Variants in CAMTA1 observed in about 807,000 individuals in gnomAD.
The protein encoded by CAMTA1 is calmodulin-binding transcription activator 1.
A neutral mutation model predicts 170.9 loss-of-function variants in CAMTA1; 27 were observed. That is an observed-to-expected ratio of 0.16 (90% confidence interval 0.12 to 0.22). The LOEUF is 0.22. Ranked by LOEUF, CAMTA1 falls within the 10% of genes least tolerant of loss-of-function variation. The probability of loss-of-function intolerance (pLI) is 1.00; values close to 1 mark genes in which losing one functional copy is unlikely to be tolerated. For synonymous variants in CAMTA1, 833 were observed against 891.5 expected, an observed-to-expected ratio of 0.93 and a Z score of 1.17; for missense variants, 1,619 against 2,217.2, an observed-to-expected ratio of 0.73 and a Z score of 5.42.
At chr1:7,735,496 C>T (rs1465073079) in intron 12 of CAMTA1, among the ~76,000 whole-genome samples, 1 of 151,634 alleles carries the variant, frequency 6.6e-6, no homozygotes, top group African/African-American at 2.4e-5. Flanking sequence ...GAAAGAGCCG[C>T]TATACCCGCC....
intron 3 of CAMTA1, among the ~76,000 whole-genome samples, chr1:6,986,191 A>G (rs1695330998): frequency 6.6e-6 from 1 of 152,212 alleles, no homozygotes; most frequent in South Asian, 2.1e-4. Context: ...GTCTGCTGCC[A>G]TGTCTCTCAC....
intron 3 of CAMTA1, among the ~76,000 whole-genome samples, chr1:7,035,959 AAAAC>A (rs1304671679): frequency 6.6e-6 from 1 of 152,244 alleles, no homozygotes; most frequent in Non-Finnish European, 1.5e-5. Flanking sequence ...AGTGGGGAAA[AAAAC>A]AAGTTGCAAA....
chr1:7,501,397 T>C (rs1360704728), intron 6 of CAMTA1, among the ~76,000 whole-genome samples: 1 of 152,020 alleles, frequency 6.6e-6, no homozygotes, highest in Non-Finnish European at 1.5e-5. Flanking sequence ...CTGCTTCAGG[T>C]TTCTGTGCTC....
intron 4 of CAMTA1, among the ~76,000 whole-genome samples, chr1:7,131,727 G>A (rs994600183): frequency 2.0e-5 from 3 of 151,802 alleles, no homozygotes; most frequent in African/African-American, 7.3e-5. Context: ...TATTAATATA[G>A]CTTTACAACA....
At chr1:7,272,999 A>G (rs1670074131) in intron 5 of CAMTA1, among the ~76,000 whole-genome samples, 1 of 152,190 alleles carries the variant, frequency 6.6e-6, no homozygotes, top group African/African-American at 2.4e-5. Context: ...ACACACGAAA[A>G]TATATTTAAC....
At chr1:7,457,110 C>T (rs1402067372) in intron 5 of CAMTA1, among the ~76,000 whole-genome samples, 1 of 142,778 alleles carries the variant, frequency 7.0e-6, no homozygotes, top group East Asian at 2.1e-4. Flanking sequence ...CCACCCCTGG[C>T]CTTCTCTGAC....
rs910793352 is a variant in CAMTA1, at chr1:7,064,952, G to T, written c.235-26352G>T. Among the ~76,000 whole-genome samples the T allele has an allele frequency of 3.9e-5, 6 of 152,182 alleles. No homozygotes were observed. In the East Asian group the frequency reaches 1.2e-3, roughly 29 times the overall value. Reference sequence around the variant, plus strand: ...AGCTTGGGGATGTCCCTCAGAGTTAGAACCAACAGAGTTTGTAGGTTTTCA... The same window carrying T: ...AGCTTGGGGATGTCCCTCAGAGTTATAACCAACAGAGTTTGTAGGTTTTCA... On this transcript the variant is annotated intron_variant, in intron 3 of 22. Coordinates refer to ENST00000303635, the MANE Select transcript of CAMTA1 (RefSeq NM_015215.4). This position sits in a 1 kb window ranked among gnomAD's most constrained non-coding sequence, Gnocchi z 5.4.
chr1:6,822,767 G>A (rs1341216108), intron 2 of CAMTA1, among the ~76,000 whole-genome samples: 2 of 151,428 alleles, frequency 1.3e-5, no homozygotes, highest in Non-Finnish European at 2.9e-5. Context: ...TTGTGCTGTT[G>A]AGAAGAGTAC....
chr1:7,211,708 G>T (rs1278396853), intron 4 of CAMTA1, among the ~76,000 whole-genome samples: 1 of 152,180 alleles, frequency 6.6e-6, no homozygotes, highest in East Asian at 1.9e-4. Flanking sequence ...GCTCCTTTCA[G>T]CAGAGAATGG....
At chr1:7,752,738 C>A (rs1280333538) in intron 21 of CAMTA1, among the ~76,000 whole-genome samples, 1 of 152,192 alleles carries the variant, frequency 6.6e-6, no homozygotes, top group East Asian at 1.9e-4. Context: ...TCAGACGATG[C>A]TGTTTGAACA....
chr1:6,818,761 C>T (rs1646132879), intron 1 of CAMTA1, among the ~76,000 whole-genome samples: 1 of 152,094 alleles, frequency 6.6e-6, no homozygotes, highest in South Asian at 2.1e-4. Flanking sequence ...ACCTCAGTCC[C>T]CCCAGGTATC....
At chr1:7,513,633 C>T (rs947800169) in intron 6 of CAMTA1, among the ~76,000 whole-genome samples, 2 of 152,080 alleles carry the variant, frequency 1.3e-5, no homozygotes, top group East Asian at 1.9e-4. Flanking sequence ...ACCAAAACAC[C>T]GGTTACAGGC....
In CAMTA1 at chr1:7,032,442, C is replaced by T. The variant is rs1460588165; in HGVS notation, c.235-58862C>T. Among the ~76,000 whole-genome samples the T allele has an allele frequency of 2.6e-5, 4 of 152,314 alleles. No homozygotes were observed. In the East Asian group the frequency reaches 7.7e-4, roughly 29 times the overall value. Reference sequence around the variant, plus strand: ...ACTTTCAGGTGATGTTATACCACTTCATGTATAGTATAAGAACCTTATTAT... The same window carrying T: ...ACTTTCAGGTGATGTTATACCACTTTATGTATAGTATAAGAACCTTATTAT... On this transcript the variant is annotated intron_variant, in intron 3 of 22. Coordinates refer to ENST00000303635, the MANE Select transcript of CAMTA1 (RefSeq NM_015215.4).
rs1373890629 is a variant in CAMTA1, at chr1:6,887,933, A to C, written c.234+62723A>C. On this transcript the variant is annotated intron_variant, in intron 3 of 22. Coordinates refer to ENST00000303635, the MANE Select transcript of CAMTA1 (RefSeq NM_015215.4). The surrounding 1 kb of genome is among the most constrained non-coding windows in gnomAD (Gnocchi z 4.1). ...TATTACGAAGGAGCTCCGCAGCCTG[A>C]CTGAGCTCTGGAGAGCAGGGCTCTG... 5 of 1,323,030 alleles carry C rather than the reference A, an allele frequency of 3.8e-6. No individual in the cohort carries two copies. The highest frequency in any genetic ancestry group is 1.5e-5 in the African/African-American group (1 of 66,908). The allele number at this position is 1,323,030 out of a possible 1,614,324, so 82.0% of individuals were successfully genotyped here.
rs953257950 is a variant in CAMTA1, at chr1:7,041,965, A to T, written c.235-49339A>T. Among the ~76,000 whole-genome samples, 1 of 152,204 alleles carries T rather than the reference A, an allele frequency of 6.6e-6. No homozygotes were observed. Among genetic ancestry groups the T allele is most frequent in the Non-Finnish European group, 1.5e-5 (1 of 68,040 alleles). ...TCTGGAAGCTTCTAGAAGCTCCTAGAATGGGTTGAGGTTGTTGGATGCTTG... is the reference window on the plus strand; with the variant it reads ...TCTGGAAGCTTCTAGAAGCTCCTAGTATGGGTTGAGGTTGTTGGATGCTTG... On this transcript the variant is annotated intron_variant, in intron 3 of 22. Transcript: ENST00000303635. The surrounding 1 kb of genome is among the most constrained non-coding windows in gnomAD (Gnocchi z 5.1).
At chr1:7,764,626 G>T (rs1013265400) in intron 22 of CAMTA1, among the ~76,000 whole-genome samples, 2 of 152,098 alleles carry the variant, frequency 1.3e-5, no homozygotes, top group Non-Finnish European at 1.5e-5. Flanking sequence ...CTGATTACTG[G>T]TTTTTTCACA....
At chr1:7,276,673 C>A (rs949886438) in intron 5 of CAMTA1, among the ~76,000 whole-genome samples, 5 of 151,968 alleles carry the variant, frequency 3.3e-5, no homozygotes, top group African/African-American at 4.8e-5. Context: ...ATCAATGTGT[C>A]CACTTTCACT....
chr1:7,507,495 A>C, intron 6 of CAMTA1, among the ~76,000 whole-genome samples: 1 of 151,694 alleles, frequency 6.6e-6, no homozygotes. Flanking sequence ...CACCTGAAAA[A>C]CCCCAACATT....
At chr1:7,543,906 C>A (rs760347921) in intron 6 of CAMTA1, among the ~76,000 whole-genome samples, 1 of 151,652 alleles carries the variant, frequency 6.6e-6, no homozygotes, top group East Asian at 1.9e-4. Flanking sequence ...TGGAAAGGGA[C>A]AGATTCTGGG....
Sources: allele counts gnomAD v4.1 joint callset (sites outside exome capture counted in the v4.1 genomes callset), GRCh38; gene constraint gnomAD v4.1.1; non-coding constraint Gnocchi (gnomAD v3.1); transcripts MANE v1.5; gene names NCBI Gene and HGNC (gene_info 2026-07-23, HGNC 2026-07-21).